Variants in BCAR1 observed in about 807,000 individuals in gnomAD.
The protein encoded by BCAR1 is BCAR1 scaffold protein, Cas family member.
A neutral mutation model predicts 67.6 loss-of-function variants in BCAR1; 30 were observed. The observed-to-expected ratio is 0.44, with a 90% CI of 0.33 to 0.60. The LOEUF (loss-of-function observed/expected upper bound fraction) is 0.60, where lower values mean the gene tolerates loss of function less well. Among genes scored for constraint, BCAR1 ranks in the 20% least tolerant of loss-of-function variants. BCAR1 has a pLI of 0.02. For synonymous variants in BCAR1, 626 were observed against 556.7 expected (o/e 1.12, Z -1.75); for missense variants, 1,313 against 1,222.3 (o/e 1.07, Z -1.11).
chr16:75,264,349 A>C (rs1458597548), intron 1 of BCAR1: 1 of 1,520,342 alleles, frequency 6.6e-7, no homozygotes, highest in Admixed American at 2.0e-5. Context: ...GCCCTGGGAT[A>C]CCGGCCCTCC....
intron 1 of BCAR1, among the ~76,000 whole-genome samples, chr16:75,258,593 C>A (rs1384262091): frequency 6.6e-6 from 1 of 151,930 alleles, no homozygotes; most frequent in African/African-American, 2.4e-5. Context: ...GGAGGCTGTT[C>A]TACACAAGGT....
chr16:75,267,838 G>T, intron 1 of BCAR1: 1 of 1,478,784 alleles, frequency 6.8e-7, no homozygotes. Flanking sequence ...TACCGCCCCA[G>T]GGGCTGCTTA....
chr16:75,256,208 C>CAG (rs1328891358), upstream of BCAR1: 3 of 152,474 alleles, frequency 2.0e-5, no homozygotes, highest in Non-Finnish European at 4.4e-5. Context: ...CACCTTCCAC[C>CAG]TCATAACCCA....
intron 1 of BCAR1, chr16:75,249,532 C>T (rs1024541831): frequency 6.6e-6 from 1 of 152,304 alleles, no homozygotes; most frequent in African/African-American, 2.4e-5. Flanking sequence ...GGAGAAACTT[C>T]CCTATCACCC....
Position 75,250,817 on chromosome 16 carries a change from G to A in BCAR1, c.12+654C>T, listed in dbSNP as rs906830208. On this transcript the variant is annotated intron_variant, in intron 1 of 6. Coordinates refer to ENST00000162330, the MANE Select transcript of BCAR1 (RefSeq NM_014567.5). Reference sequence around the variant, plus strand: ...CCCCCTCCCGCGACACTCGCGTGCGGCTAGGACTCCTGTGGCCAGGACCCG... The same window carrying A: ...CCCCCTCCCGCGACACTCGCGTGCGACTAGGACTCCTGTGGCCAGGACCCG... The A allele has an allele frequency of 3.0e-5, 30 of 985,448 alleles. No individual in the cohort carries two copies. The African/African-American group carries it at 5.1e-4, about 17-fold the overall frequency. The allele number at this position is 985,448 out of a possible 1,614,324, so 61.0% of individuals were successfully genotyped here.
At chr16:75,245,041 C>T (rs2077472011) in intron 1 of BCAR1, among the ~76,000 whole-genome samples, 1 of 152,230 alleles carries the variant, frequency 6.6e-6, no homozygotes, top group South Asian at 2.1e-4. Flanking sequence ...ATGTCCCAGG[C>T]TCTGAGGCAG....
At position 75,235,586 on chromosome 16, in the gene BCAR1, C is replaced by G. The variant is rs1482366170; in HGVS notation, c.1313G>C (p.Ser438Thr). The change falls in exon 5 of 7, where the codon AGC (serine) becomes ACC (threonine). Residue 438 changes from serine (S) to threonine (T), a missense_variant. Ser to Thr is a moderately conservative substitution (Grantham distance 58, BLOSUM62 1). This residue lies in a region of BCAR1 where 1,272 missense variants were observed against 1,137.5 expected (regional missense o/e 1.12). Transcript: ENST00000162330. The stretch of plus-strand genomic sequence containing the variant: ...CACCTCCAAGGAGGACGCAGACTGG[C>G]TGCTGCGTGTGCTGCCGGTGCTGGA... ...SASSTGSTRS[S>T]QSASSLEVAG... The G allele has an allele frequency of 6.3e-6, 10 of 1,592,022 alleles. No individual in the cohort carries two copies. The highest frequency in any genetic ancestry group is 8.6e-6 in the Non-Finnish European group (10 of 1,169,206).
rs534684431 is a variant in BCAR1, at chr16:75,256,826, C to T, written c.66+11089G>A. Among the ~76,000 whole-genome samples, 498 of 152,308 alleles carry T rather than the reference C, an allele frequency of 3.3e-3. 2 individuals are homozygous for T. The highest frequency in any genetic ancestry group is 0.011 in the African/African-American group (464 of 41,572). On this transcript the variant is annotated intron_variant, in intron 1 of 6. Transcript: ENST00000393422. ...TCCTCTCTCAGCTCTCCCCTCCTGC[C>T]CAGCCTCCTGGGGCTGGCAGGTGGG...
chr16:75,260,754 T>C (rs1357307003), intron 1 of BCAR1, among the ~76,000 whole-genome samples: 3 of 84,666 alleles, frequency 3.5e-5, no homozygotes, highest in Non-Finnish European at 7.4e-5. Context: ...AAAGAAAAAA[T>C]ACATTTGGCA....
At chr16:75,242,124 G>A (rs1182175077) in intron 2 of BCAR1, among the ~76,000 whole-genome samples, 1 of 152,198 alleles carries the variant, frequency 6.6e-6, no homozygotes, top group East Asian at 1.9e-4. Context: ...AGCATGAAGT[G>A]GCTGGCCTCT....
chr16:75,234,323 G>C (rs1179494608), intron 5 of BCAR1, among the ~76,000 whole-genome samples: 2 of 152,128 alleles, frequency 1.3e-5, no homozygotes, highest in African/African-American at 4.8e-5. Context: ...GCCAGCTCAG[G>C]AAGAGACTGG....
At position 75,237,358 on chromosome 16, in the gene BCAR1, G is replaced by T; in HGVS notation, c.634-14C>A. The T allele has an allele frequency of 6.9e-7, 1 of 1,456,964 alleles. No individual in the cohort carries two copies. Among genetic ancestry groups the T allele is most frequent in the Non-Finnish European group, 9.0e-7 (1 of 1,106,328 alleles). The allele number at this position is 1,456,964 out of a possible 1,614,324, so 90.3% of individuals were successfully genotyped here. The stretch of plus-strand genomic sequence containing the variant: ...GGGCACCACCACCTGGGGGCAGAGA[G>T]CCGACTTCACTGCTGCCCTCAAACC... On this transcript the variant is annotated splice_polypyrimidine_tract_variant and intron_variant, in intron 2 of 6. Transcript: ENST00000162330.
chr16:75,260,478 A>T (rs992995217), intron 1 of BCAR1, among the ~76,000 whole-genome samples: 1 of 151,992 alleles, frequency 6.6e-6, no homozygotes, highest in African/African-American at 2.4e-5. Context: ...TACTAAAAAT[A>T]CAAAAATTAG....
intron 1 of BCAR1, chr16:75,243,509 A>G (rs766141543): frequency 1.9e-6 from 1 of 522,464 alleles, no homozygotes; most frequent in Non-Finnish European, 3.8e-6. Flanking sequence ...TAATCTGACA[A>G]AAAGAACAGC....
chr16:75,237,655 A>G (rs1230677501), intron 2 of BCAR1, among the ~76,000 whole-genome samples: 1 of 152,182 alleles, frequency 6.6e-6, no homozygotes, highest in African/African-American at 2.4e-5. Flanking sequence ...AGCTGATGAC[A>G]CCGGTGGGGT....
intron 1 of BCAR1, among the ~76,000 whole-genome samples, chr16:75,245,222 G>A (rs549601336): frequency 4.6e-5 from 7 of 152,318 alleles, no homozygotes; most frequent in African/African-American, 1.4e-4. Flanking sequence ...CAGCCCATCG[G>A]GGGCGGGCCA....
chr16:75,251,044 A>C, intron 1 of BCAR1: 1 of 936,436 alleles, frequency 1.1e-6, no homozygotes. Flanking sequence ...CCTCTCCGGG[A>C]GCCGGTGGGC....
chr16:75,230,917 G>T (rs2076879195), intron 6 of BCAR1, among the ~76,000 whole-genome samples: 1 of 152,180 alleles, frequency 6.6e-6, no homozygotes, highest in Non-Finnish European at 1.5e-5. Context: ...GGGTGAGGTG[G>T]CTCATGCCTG....
At chr16:75,234,152 G>A (rs1334545304) in intron 5 of BCAR1, among the ~76,000 whole-genome samples, 1 of 75,880 alleles carries the variant, frequency 1.3e-5, no homozygotes, top group African/African-American at 5.1e-5. Flanking sequence ...CACGTGCAGG[G>A]GCAGGCAGAC....
Sources: gnomAD v4.1 joint callset for allele counts (sites outside exome capture counted in the v4.1 genomes callset) on GRCh38, gnomAD v4.1.1 for gene constraint, gnomAD v4.1.1 regional missense constraint, MANE v1.5 for transcripts, NCBI Gene and HGNC (gene_info 2026-07-23, HGNC 2026-07-21) for gene names.